The following GRIK2 variants were observed in gnomAD, a reference collection of about 807,000 sequenced individuals.
GRIK2 encodes the protein glutamate ionotropic receptor kainate type subunit 2, also known as glutamate receptor ionotropic, kainate 2.
A neutral mutation model predicts 100.3 loss-of-function variants in GRIK2; 32 were observed. The ratio of observed to expected loss-of-function variants is 0.32; its 90% CI spans 0.24 to 0.43. The LOEUF (loss-of-function observed/expected upper bound fraction) is 0.43. GRIK2 is among the 20% of genes least tolerant of loss of function. The pLI, the probability that GRIK2 is intolerant of heterozygous loss-of-function variation, is 1.00. For synonymous variants in GRIK2, 417 were observed against 389.4 expected, an observed-to-expected ratio of 1.07 and a Z score of -0.83; for missense variants, 843 against 1,114.9, an observed-to-expected ratio of 0.76 and a Z score of 3.47.
intron 2 of GRIK2, among the ~76,000 whole-genome samples, chr6:101,615,212 A>G (rs1436498318): frequency 6.6e-6 from 1 of 151,802 alleles, no homozygotes; most frequent in African/African-American, 2.4e-5. Flanking sequence ...AAGCTTGGAA[A>G]AAGAATTGCG....
chr6:102,066,895 C>G (rs368893904), intron 16 of GRIK2, among the ~76,000 whole-genome samples: 1 of 151,538 alleles, frequency 6.6e-6, no homozygotes, highest in Admixed American at 6.6e-5. Flanking sequence ...TTTAAGGAGT[C>G]CATCAAAGGA....
chr6:101,981,942 A>G (rs1793736509), intron 14 of GRIK2, among the ~76,000 whole-genome samples: 1 of 151,992 alleles, frequency 6.6e-6, no homozygotes, highest in Non-Finnish European at 1.5e-5. Context: ...AATCAAAGGT[A>G]GAATAATTAG....
chr6:102,022,163 C>CGT, intron 14 of GRIK2, among the ~76,000 whole-genome samples: 1 of 150,490 alleles, frequency 6.6e-6, no homozygotes, highest in African/African-American at 2.4e-5. Flanking sequence ...CACACACACA[C>CGT]ACAACATATA....
At chr6:101,795,328 G>A (rs368781060) in intron 7 of GRIK2, among the ~76,000 whole-genome samples, 20 of 152,242 alleles carry the variant, frequency 1.3e-4, no homozygotes, top group African/African-American at 4.1e-4. Context: ...TGTGATTTCC[G>A]TTTCTTAGAC....
chr6:101,782,859 T>C (rs7772328), intron 7 of GRIK2, among the ~76,000 whole-genome samples: 6,935 of 131,806 alleles, frequency 0.053, 172 homozygotes, highest in Non-Finnish European at 0.06. Flanking sequence ...TCAAATCTCT[T>C]TTTTTTTTTT....
chr6:101,585,312 C>T (rs902337248), intron 2 of GRIK2, among the ~76,000 whole-genome samples: 2 of 151,890 alleles, frequency 1.3e-5, no homozygotes, highest in African/African-American at 2.4e-5. Flanking sequence ...TGTTTATATA[C>T]GTATGTGAGT....
chr6:101,606,740 G>A (rs1042541064), intron 2 of GRIK2, among the ~76,000 whole-genome samples: 1 of 151,860 alleles, frequency 6.6e-6, no homozygotes, highest in African/African-American at 2.4e-5. Flanking sequence ...TATATAAAAT[G>A]CAAACAAAAG....
At chr6:102,032,870 T>G (rs1582757327) in intron 14 of GRIK2, among the ~76,000 whole-genome samples, 1 of 151,306 alleles carries the variant, frequency 6.6e-6, no homozygotes. Context: ...AAACTCTAGG[T>G]GCTTACTCAA....
intron 2 of GRIK2, among the ~76,000 whole-genome samples, chr6:101,495,913 G>A (rs1177561670): frequency 6.6e-6 from 1 of 151,736 alleles, no homozygotes; most frequent in Non-Finnish European, 1.5e-5. Context: ...AGAAAGGAAG[G>A]ATGTGTGCTG....
At chr6:101,675,278 C>T (rs778005131) in intron 4 of GRIK2, among the ~76,000 whole-genome samples, 20 of 142,212 alleles carry the variant, frequency 1.4e-4, no homozygotes, top group African/African-American at 4.6e-4. Context: ...TGTACGCACA[C>T]GCGCACGCAC....
intron 4 of GRIK2, among the ~76,000 whole-genome samples, chr6:101,628,217 A>C (rs192248598): frequency 2.0e-4 from 31 of 152,222 alleles, no homozygotes; most frequent in Admixed American, 1.6e-3. Context: ...GTCATCTGCA[A>C]ATTGACAGAT....
chr6:101,994,861 G>A (rs1452569023), intron 14 of GRIK2, among the ~76,000 whole-genome samples: 1 of 151,772 alleles, frequency 6.6e-6, no homozygotes, highest in African/African-American at 2.4e-5. Flanking sequence ...ATAGCTCACA[G>A]TAAGAAATAA....
chr6:101,721,553 G>A (rs537932751), intron 7 of GRIK2, among the ~76,000 whole-genome samples: 1 of 152,014 alleles, frequency 6.6e-6, no homozygotes, highest in Admixed American at 6.6e-5. Context: ...ACCCTGCAGT[G>A]CACTCCAAGT....
chr6:101,503,668 A>G (rs956245137), intron 2 of GRIK2, among the ~76,000 whole-genome samples: 2 of 152,284 alleles, frequency 1.3e-5, no homozygotes, highest in Admixed American at 1.3e-4. Flanking sequence ...TACATTTATT[A>G]CATTCATGAT....
At chr6:101,911,266 A>G (rs776763085) in intron 12 of GRIK2, among the ~76,000 whole-genome samples, 1 of 151,552 alleles carries the variant, frequency 6.6e-6, no homozygotes, top group Non-Finnish European at 1.5e-5. Context: ...CTCCCCAGCA[A>G]TATGAGGTGC....
intron 7 of GRIK2, among the ~76,000 whole-genome samples, chr6:101,796,060 T>C (rs1419148197): frequency 3.3e-5 from 5 of 152,214 alleles, no homozygotes; most frequent in African/African-American, 1.2e-4. Flanking sequence ...ACTACTTTGC[T>C]TATTAACCAT....
intron 7 of GRIK2, among the ~76,000 whole-genome samples, chr6:101,754,418 G>A (rs1776996156): frequency 6.6e-6 from 1 of 152,176 alleles, no homozygotes; most frequent in Non-Finnish European, 1.5e-5. Flanking sequence ...TTTAGGATAT[G>A]GGTTCTGGAT....
intron 10 of GRIK2, among the ~76,000 whole-genome samples, chr6:101,856,001 G>T (rs759152963): frequency 5.3e-5 from 8 of 152,186 alleles, no homozygotes; most frequent in Non-Finnish European, 1.0e-4. Context: ...ATTTGAGAAT[G>T]ATTGCCTGGC....
chr6:101,778,460 C>T (rs1170095891), intron 7 of GRIK2, among the ~76,000 whole-genome samples: 2 of 152,070 alleles, frequency 1.3e-5, no homozygotes, highest in Non-Finnish European at 2.9e-5. Flanking sequence ...GCCCAGGCCA[C>T]GAGTGCTAAT....
Sources: gnomAD v4.1 joint callset for allele counts (sites outside exome capture counted in the v4.1 genomes callset) on GRCh38, gnomAD v4.1.1 for gene constraint, MANE v1.5 for transcripts, NCBI Gene and HGNC (gene_info 2026-07-23, HGNC 2026-07-21) for gene names.